URB1: variants seen among roughly 807,000 people sequenced by gnomAD.
The protein encoded by URB1 is URB1 ribosome biogenesis factor.
A neutral mutation model predicts 242.3 loss-of-function variants in URB1; 197 were observed. The observed-to-expected ratio is 0.81, with a 90% confidence interval of 0.72 to 0.91. URB1 has a LOEUF of 0.91. URB1 is among the 40% of genes least tolerant of loss of function. URB1 has a pLI of 0.00. For synonymous variants in URB1, 1,153 were observed against 1,201.8 expected, an observed-to-expected ratio of 0.96 and a Z score of 0.84; for missense variants, 2,721 against 2,860.5, an observed-to-expected ratio of 0.95 and a Z score of 1.11.
Position 32,345,399 on chromosome 21 carries a change from G to A in URB1, c.4045C>T (p.Leu1349Phe), listed in dbSNP as rs1428721197. 1.7e-5 allele frequency: 26 copies of A among 1,551,222 alleles called. No individual in the cohort carries two copies. The highest frequency in any genetic ancestry group is 2.2e-5 in the Non-Finnish European group (25 of 1,146,956). ...SVLMDRLPSL[L>F]HTPSSHKRWI... ...CTCTTGTGACTGCTTGGGGTGTGAA[G>A]CAAGCTGGGCAGGCGGTCCATGAGT... The change falls in exon 23 of 39, where the codon CTT (leucine) becomes TTT (phenylalanine). Residue 1349 changes from leucine to phenylalanine, a missense_variant. Coordinates refer to ENST00000382751, the MANE Select transcript of URB1 (RefSeq NM_014825.3).
intron 4 of URB1, among the ~76,000 whole-genome samples, chr21:32,383,004 G>A (rs935171971): frequency 2.6e-4 from 40 of 152,346 alleles, no homozygotes; most frequent in African/African-American, 8.9e-4. Flanking sequence ...CTCTGAGGAC[G>A]TCACTGGCTT....
In URB1 at chr21:32,333,404, T is replaced by G. The variant is rs1323365815; in HGVS notation, c.4873A>C (p.Ile1625Leu). 6.4e-7 allele frequency: 1 copy of G among 1,551,646 alleles called. No homozygotes were observed. The highest frequency in any genetic ancestry group is 2.0e-5 in the Admixed American group (1 of 51,000). ...LLPPEDTQEL[I>L]FKDKSRVDLD... ...TCCACCCTGCTTTTGTCTTTGAATA[T>G]CAGCTCCTGTGTGTCCTGAAAGAGC... Residue 1625 changes from isoleucine to leucine, a missense_variant, in exon 30 of 39, where the codon ATA becomes CTA. Transcript: ENST00000382751.
rs2033656595 is a variant in URB1 at position 32,392,903 on chromosome 21, AC to A, written c.7del (p.Val3SerfsTer37). 1.3e-6 allele frequency: 2 copies of A among 1,520,716 alleles called. No individual in the cohort carries two copies. The highest frequency in any genetic ancestry group is 1.4e-5 in the African/African-American group (1 of 71,844). 94.2% of individuals were successfully genotyped at this position (1,520,716 alleles called of 1,614,324 possible). On this transcript the variant is annotated frameshift_variant, in exon 1 of 39. Transcript: ENST00000382751. LOFTEE classifies it high-confidence loss of function. MG[V>X]PKRKASGGQD... ...GCCGCCCGAGGCCTTCCTCTTGGGG[AC>A]CCCCATGGCCGAGAGGGCGGAAGCG...
chr21:32,362,119 G>T, intron 11 of URB1, 98 bp from the exon 12 acceptor site: 1 of 1,449,960 alleles, frequency 6.9e-7, no homozygotes. Context: ...CAGGGAGGGG[G>T]GTGCGAGTCT....
intron 24 of URB1, 127 bp from the exon 25 acceptor site, chr21:32,341,651 C>CT: frequency 2.5e-6 from 2 of 812,708 alleles, no homozygotes; most frequent in Non-Finnish European, 3.9e-6. Flanking sequence ...CTGTAAAACC[C>CT]ATGATCAAAG....
chr21:32,337,342 G>A, intron 27 of URB1, 62 bp downstream of exon 27: 1 of 1,459,810 alleles, frequency 6.9e-7, no homozygotes, highest in Middle Eastern at 1.9e-4. Context: ...CCCTATCTCT[G>A]CTCACACCCC....
Position 32,316,453 on chromosome 21 carries a change from G to T in URB1, c.6634+13C>A. The T allele has an allele frequency of 1.4e-6, 2 of 1,479,836 alleles. No homozygotes were observed. Among genetic ancestry groups the T allele is most frequent in the South Asian group, 2.8e-5 (2 of 72,226 alleles). The allele number at this position is 1,479,836 out of a possible 1,614,324, so 91.7% of individuals were successfully genotyped here. On this transcript the variant is annotated intron_variant, in intron 38 of 38. Coordinates refer to ENST00000382751, the MANE Select transcript of URB1 (RefSeq NM_014825.3). ...TCTATTTCTTCAGCCTCCAACAAAA[G>T]AACCAGCCTTACCTTGTGTGGCTTC...
chr21:32,337,649 C>A, intron 26 of URB1, 135 bp from the exon 27 acceptor site: 1 of 583,356 alleles, frequency 1.7e-6, no homozygotes, highest in Non-Finnish European at 3.0e-6. Flanking sequence ...TTTGGACTGC[C>A]ATCTAATCCC....
chr21:32,391,922 G>A (rs2033643311), intron 1 of URB1, among the ~76,000 whole-genome samples: 1 of 151,950 alleles, frequency 6.6e-6, no homozygotes. Flanking sequence ...TACTTGGGAG[G>A]CTGAGGTGGG....
intron 2 of URB1, among the ~76,000 whole-genome samples, chr21:32,385,007 AAAAG>A (rs56918578): frequency 0.17 from 25,538 of 150,864 alleles, 2,458 homozygotes; most frequent in East Asian, 0.28. Flanking sequence ...AAAAGAAAAG[AAAAG>A]AAAGAAAGAA....
intron 5 of URB1, chr21:32,377,290 G>T (rs761946096): frequency 3.9e-6 from 2 of 513,358 alleles, no homozygotes; most frequent in Admixed American, 4.0e-5. Flanking sequence ...AGAGGTCCAG[G>T]GGGACGGGCC....
chr21:32,338,925 A>AAGAAGT (rs1411853394), intron 25 of URB1, 25 bp from the exon 26 acceptor site: 1 of 1,505,200 alleles, frequency 6.6e-7, no homozygotes, highest in Non-Finnish European at 8.9e-7. Flanking sequence ...TCAAAGGGAA[A>AAGAAGT]AGAGCTTTGC....
chr21:32,360,963 T>A, intron 13 of URB1, 44 bp downstream of exon 13: 1 of 1,408,886 alleles, frequency 7.1e-7, no homozygotes, highest in Non-Finnish European at 9.7e-7. Flanking sequence ...TCTGGTTTAT[T>A]GGCAGCAACA....
At chr21:32,344,532 C>T (rs1270329304) in intron 24 of URB1, 38 bp downstream of exon 24, 1 of 1,543,722 alleles carries the variant, frequency 6.5e-7, no homozygotes, top group African/African-American at 1.4e-5. Context: ...CTCTTTCCCA[C>T]AGAAATTTAA....
At chr21:32,350,125 GA>G (rs760382498) in intron 20 of URB1, among the ~76,000 whole-genome samples, 956 of 55,320 alleles carry the variant, frequency 0.017, 11 homozygotes, top group African/African-American at 0.056. Flanking sequence ...CTCTGTCTCA[GA>G]AAAAAAAAAA....
chr21:32,392,743 C>A, intron 1 of URB1, 26 bp downstream of exon 1: 3 of 1,416,674 alleles, frequency 2.1e-6, no homozygotes, highest in South Asian at 1.5e-5. Flanking sequence ...GTGCTCCCGA[C>A]CCTGCGCCTG....
chr21:32,322,354 C>A (rs1300719116), intron 33 of URB1, 124 bp downstream of exon 33: 1 of 886,194 alleles, frequency 1.1e-6, no homozygotes, highest in Non-Finnish European at 1.8e-6. Context: ...TGCGTGGCCA[C>A]CGACTGCACA....
chr21:32,359,874 C>T lies in URB1; in HGVS notation c.1791G>A (p.Val597=). Residue 597 remains valine, a synonymous_variant, in exon 14 of 39, where the codon GTG becomes GTA. Transcript: ENST00000382751. ...GCATGTGGTGCTGCAGAATGGGAGG[C>T]ACCTCCTCTCGAAGGCCCTGCTCAG... is the stretch of plus-strand genomic sequence containing the variant. ...VISEQGLREE[V]PPILQHHMLK... 1 of 1,548,060 alleles carries T rather than the reference C, an allele frequency of 6.5e-7. No individual in the cohort carries two copies. Among genetic ancestry groups the T allele is most frequent in the Non-Finnish European group, 8.7e-7 (1 of 1,145,640 alleles).
chr21:32,386,403 T>C (rs1366125640), intron 1 of URB1, among the ~76,000 whole-genome samples: 2 of 152,210 alleles, frequency 1.3e-5, no homozygotes, highest in African/African-American at 4.8e-5. Context: ...TACCAGGATG[T>C]GACTATGCCA....
Sources: gnomAD v4.1 joint callset for allele counts (sites outside exome capture counted in the v4.1 genomes callset) on GRCh38, gnomAD v4.1.1 for gene constraint, MANE v1.5 for transcripts, NCBI Gene and HGNC (gene_info 2026-07-23, HGNC 2026-07-21) for gene names.